DGKH: variants seen among roughly 807,000 people sequenced by gnomAD.
The protein encoded by DGKH is diacylglycerol kinase eta, also known as DAG kinase eta.
DGKH carries 90 observed loss-of-function variants against 159.3 expected under a neutral mutation model. The ratio of observed to expected loss-of-function variants is 0.57; its 90% CI spans 0.48 to 0.67. The LOEUF (loss-of-function observed/expected upper bound fraction) is 0.67, where lower values mean the gene tolerates loss of function less well. Among genes scored for constraint, DGKH ranks in the 30% least tolerant of loss-of-function variants. DGKH has a pLI of 0.00. For synonymous variants in DGKH, 536 were observed against 553.8 expected, an observed-to-expected ratio of 0.97 and a Z score of 0.45; for missense variants, 1,181 against 1,506.1, an observed-to-expected ratio of 0.78 and a Z score of 3.57.
At chr13:42,121,343 G>A (rs1955068857) in intron 1 of DGKH, among the ~76,000 whole-genome samples, 1 of 152,166 alleles carries the variant, frequency 6.6e-6, no homozygotes, top group Admixed American at 6.5e-5. Flanking sequence ...AGTGTTCTGA[G>A]CACGTTTAAG....
chr13:42,252,139 TCC>T (rs1566240020), intron 29 of DGKH, among the ~76,000 whole-genome samples: 1 of 150,570 alleles, frequency 6.6e-6, no homozygotes. Flanking sequence ...TTTTTTTTTT[TCC>T]CCAATCTGTG....
At chr13:42,104,282 G>A (rs1954706883) in intron 1 of DGKH, among the ~76,000 whole-genome samples, 2 of 152,138 alleles carry the variant, frequency 1.3e-5, no homozygotes, top group Admixed American at 1.3e-4. Context: ...TCCCCCCCAG[G>A]GAATTGTCTT....
intron 21 of DGKH, 52 bp from the exon 22 acceptor site, chr13:42,208,907 C>T (rs1197196693): frequency 1.4e-5 from 17 of 1,203,280 alleles, no homozygotes; most frequent in African/African-American, 4.6e-5. Flanking sequence ...CATTGCTTAA[C>T]GTGCTCTTCA....
intron 12 of DGKH, among the ~76,000 whole-genome samples, chr13:42,175,215 G>A (rs188401816): frequency 2.5e-4 from 38 of 152,178 alleles, no homozygotes; most frequent in South Asian, 6.2e-4. Context: ...ACATGGGGCC[G>A]TTTCTTAGAG....
rs55860412 is a variant in DGKH at position 42,141,028 on chromosome 13, C to CCATTAACTCGTCATTTACCTTAGGTATAT, written c.384+11397_384+11398insATTAACTCGTCATTTACCTTAGGTATATC. On this transcript the variant is annotated intron_variant, in intron 3 of 29. Coordinates refer to ENST00000337343, the MANE Select transcript of DGKH (RefSeq NM_178009.5). ...CATGTGCCATGTTGGTGTGCTGAAC[C>CCATTAACTCGTCATTTACCTTAGGTATAT]CTCCTAATGCTATCCCTCCCCCCTC... 5.8e-5 allele frequency among the ~76,000 whole-genome samples: 3 copies of CCATTAACTCGTCATTTACCTTAGGTATAT among 52,094 alleles called. 1 individual carries two copies. The highest frequency in any genetic ancestry group is 6.6e-5 in the African/African-American group (1 of 15,202). 34.2% of individuals were successfully genotyped at this position (52,094 alleles called of 152,430 possible).
At chr13:42,222,301 G>T (rs1957997051) in intron 29 of DGKH, among the ~76,000 whole-genome samples, 1 of 152,074 alleles carries the variant, frequency 6.6e-6, no homozygotes. Flanking sequence ...ATAATACAGA[G>T]AATTCCTAAC....
intron 29 of DGKH, among the ~76,000 whole-genome samples, chr13:42,226,847 ACT>A (rs1958145612): frequency 7.4e-6 from 1 of 134,928 alleles, no homozygotes; most frequent in African/African-American, 2.7e-5. Context: ...ACAGTATGAG[ACT>A]CTGTCTCAAA....
intron 1 of DGKH, among the ~76,000 whole-genome samples, chr13:42,079,220 A>G (rs1593995557): frequency 6.6e-6 from 1 of 152,032 alleles, no homozygotes; most frequent in East Asian, 1.9e-4. Flanking sequence ...CTGGCCCAAG[A>G]GGCATATTCT....
At chr13:42,145,184 C>A (rs1242863732) in intron 3 of DGKH, among the ~76,000 whole-genome samples, 1 of 152,110 alleles carries the variant, frequency 6.6e-6, no homozygotes, top group East Asian at 1.9e-4. Context: ...GTCTCTGGAT[C>A]CAGTTTAAGC....
At chr13:42,251,024 T>C (rs1958616400) in intron 29 of DGKH, among the ~76,000 whole-genome samples, 1 of 152,242 alleles carries the variant, frequency 6.6e-6, no homozygotes, top group Admixed American at 6.5e-5. Flanking sequence ...TAAAATTTGG[T>C]CTCTATTTTC....
At position 42,180,941 on chromosome 13, in the gene DGKH, T is replaced by A. The variant is rs906885751; in HGVS notation, c.1538+2721T>A. Reference sequence around the variant, plus strand: ...TTAAGGAGGCCACACATTTACCCAGTCCCAAATTCTATACCATCTTAATGA... The same window carrying A: ...TTAAGGAGGCCACACATTTACCCAGACCCAAATTCTATACCATCTTAATGA... On this transcript the variant is annotated intron_variant, in intron 13 of 29. Transcript: ENST00000337343. 2.0e-5 allele frequency among the ~76,000 whole-genome samples: 3 copies of A among 152,020 alleles called. No individual in the cohort carries two copies. In the East Asian group the frequency reaches 5.8e-4, roughly 29 times the overall value.
At chr13:42,061,637 C>G (rs949071197) in intron 1 of DGKH, among the ~76,000 whole-genome samples, 1 of 152,326 alleles carries the variant, frequency 6.6e-6, no homozygotes, top group South Asian at 2.1e-4. Context: ...TCTCCATTCT[C>G]TACTCCAGTG....
At position 42,110,423 on chromosome 13, in the gene DGKH, T is replaced by G. The variant is rs569881902; in HGVS notation, c.193-17040T>G. On this transcript the variant is annotated intron_variant, in intron 1 of 29. Coordinates refer to ENST00000337343, the MANE Select transcript of DGKH (RefSeq NM_178009.5). ...CAAACGTGATGTCTAGTGGTTTATT[T>G]TAGACAACATCAGAATGTCCCCACA... 8.5e-5 allele frequency among the ~76,000 whole-genome samples: 13 copies of G among 152,326 alleles called. No individual in the cohort carries two copies. In the East Asian group the frequency reaches 2.5e-3, roughly 29 times the overall value.
chr13:42,252,730 G>A (rs572088230), intron 30 of DGKH, among the ~76,000 whole-genome samples: 1 of 152,174 alleles, frequency 6.6e-6, no homozygotes, highest in South Asian at 2.1e-4. Flanking sequence ...GTCGGTTGGG[G>A]AAGGTCTCAT....
intron 12 of DGKH, among the ~76,000 whole-genome samples, chr13:42,176,855 TCTGAATATGAGG>T (rs1175611045): frequency 1.3e-5 from 2 of 152,328 alleles, no homozygotes; most frequent in Admixed American, 1.3e-4. Context: ...GATGTAAGGC[TCTGAATATGAGG>T]CTGTTTAAAT....
At chr13:42,205,680 C>G (rs1312783251) in intron 20 of DGKH, among the ~76,000 whole-genome samples, 1 of 152,060 alleles carries the variant, frequency 6.6e-6, no homozygotes, top group African/African-American at 2.4e-5. Flanking sequence ...CTTTCTCTTA[C>G]CCAGTCTGCT....
chr13:42,092,184 G>T (rs981439697), intron 1 of DGKH, among the ~76,000 whole-genome samples: 5 of 152,108 alleles, frequency 3.3e-5, no homozygotes. Flanking sequence ...GTAGTAGAAG[G>T]TTCCTCTACA....
At chr13:42,221,004 G>C (rs1957955178) in intron 28 of DGKH, among the ~76,000 whole-genome samples, 1 of 152,062 alleles carries the variant, frequency 6.6e-6, no homozygotes, top group South Asian at 2.1e-4. Flanking sequence ...TAGGTTGGGT[G>C]GCTTTAATGA....
intron 1 of DGKH, chr13:42,070,942 A>G (rs1468207925): frequency 8.5e-6 from 11 of 1,298,778 alleles, no homozygotes; most frequent in East Asian, 4.6e-5. Context: ...GGTAAGGACA[A>G]TTTTCTTGAT....
Sources: allele counts gnomAD v4.1 joint callset (sites outside exome capture counted in the v4.1 genomes callset), GRCh38; gene constraint gnomAD v4.1.1; transcripts MANE v1.5; gene names NCBI Gene and HGNC (gene_info 2026-07-23, HGNC 2026-07-21).